NAV2: variants seen among roughly 807,000 people sequenced by gnomAD.
The protein encoded by NAV2 is helicase, APC down-regulated 1.
A neutral mutation model predicts 223.2 loss-of-function variants in NAV2; 54 were observed. That is an observed-to-expected ratio of 0.24 (90% confidence interval 0.19 to 0.30). NAV2 has a LOEUF of 0.30. NAV2 is among the 10% of genes least tolerant of loss of function. The probability of loss-of-function intolerance (pLI) is 1.00; values close to 1 mark genes in which losing one functional copy is unlikely to be tolerated. For missense variants in NAV2, 2,806 were observed against 3,147.5 expected (o/e 0.89, Z 2.60); for synonymous variants, 1,279 against 1,239.3 (o/e 1.03, Z -0.67).
At chr11:19,526,179 G>C (rs375148314) in intron 1 of NAV2, among the ~76,000 whole-genome samples, 3 of 152,118 alleles carry the variant, frequency 2.0e-5, no homozygotes, top group Non-Finnish European at 4.4e-5. Context: ...AGCTCCTCCT[G>C]GTTCCTGATT....
At chr11:19,686,201 C>A (rs1007451756) in intron 1 of NAV2, among the ~76,000 whole-genome samples, 1 of 152,172 alleles carries the variant, frequency 6.6e-6, no homozygotes, top group Non-Finnish European at 1.5e-5. Context: ...GCTGCCTCCA[C>A]GACCATGTCA....
At chr11:20,062,814 C>T (rs903756289) in intron 20 of NAV2, among the ~76,000 whole-genome samples, 1 of 152,214 alleles carries the variant, frequency 6.6e-6, no homozygotes, top group African/African-American at 2.4e-5. Flanking sequence ...CCTGCCTCAG[C>T]TTCCTGAGTA....
rs534231373 is a variant in NAV2 at position 19,966,958 on chromosome 11, G to A, written c.2646-17167G>A. 5.3e-5 allele frequency among the ~76,000 whole-genome samples: 8 copies of A among 151,400 alleles called. No homozygotes were observed. In the South Asian group the frequency reaches 1.5e-3, roughly 28 times the overall value. On this transcript the variant is annotated intron_variant, in intron 10 of 37. Transcript: ENST00000349880. ...GAAAGGGGGTGATAGTAGGAGCAGTGCTGCTGCTGCTGCTGCTATTAATAA... is the reference window on the plus strand; with the variant it reads ...GAAAGGGGGTGATAGTAGGAGCAGTACTGCTGCTGCTGCTGCTATTAATAA...
chr11:19,880,241 G>C (rs2063117531), intron 5 of NAV2, 114 bp downstream of exon 5: 1 of 1,377,994 alleles, frequency 7.3e-7, no homozygotes, highest in African/African-American at 1.5e-5. Flanking sequence ...AATGCTGAGA[G>C]CTACTGGTGG....
intron 1 of NAV2, among the ~76,000 whole-genome samples, chr11:19,627,226 A>G (rs1000289913): frequency 1.3e-5 from 2 of 152,178 alleles, no homozygotes; most frequent in Admixed American, 6.5e-5. Context: ...CGTCTGTATT[A>G]AAAATACAAA....
At chr11:19,666,069 C>A (rs900884080) in intron 1 of NAV2, among the ~76,000 whole-genome samples, 9 of 152,296 alleles carry the variant, frequency 5.9e-5, no homozygotes, top group East Asian at 3.9e-4. Flanking sequence ...TATTATAAAT[C>A]CCTTCTACAA....
chr11:19,961,083 T>G (rs2153406745), intron 10 of NAV2, among the ~76,000 whole-genome samples: 1 of 152,156 alleles, frequency 6.6e-6, no homozygotes, highest in East Asian at 1.9e-4. Context: ...GAAAACCAAA[T>G]CCATATTTCT....
At chr11:19,417,951 A>G (rs1183503971) in intron 1 of NAV2, among the ~76,000 whole-genome samples, 4 of 152,114 alleles carry the variant, frequency 2.6e-5, no homozygotes, top group African/African-American at 9.7e-5. Flanking sequence ...GGGGAATATC[A>G]CACACTGGGG....
intron 1 of NAV2, among the ~76,000 whole-genome samples, chr11:19,451,129 T>C (rs1272206628): frequency 1.3e-5 from 2 of 152,142 alleles, no homozygotes; most frequent in Non-Finnish European, 2.9e-5. Flanking sequence ...GGTCACATAG[T>C]ATGAAAGAAG....
Position 19,968,097 on chromosome 11 carries a change from AAC to A in NAV2, c.2646-16024_2646-16023del, listed in dbSNP as rs751585089. Reference sequence around the variant, plus strand: ...AGATAAGAGTATGAGGACCGCTGGAAACACAGTGTCTGCACACCAGCTGAGAT... The same window carrying A: ...AGATAAGAGTATGAGGACCGCTGGAAACAGTGTCTGCACACCAGCTGAGAT... On this transcript the variant is annotated intron_variant, in intron 10 of 37. Coordinates refer to ENST00000349880, the MANE Select transcript of NAV2 (RefSeq NM_145117.5). Among the ~76,000 whole-genome samples, 75 of 150,312 alleles carry A rather than the reference AAC, an allele frequency of 5.0e-4. 1 individual carries two copies. The highest frequency in any genetic ancestry group is 3.9e-4 in the East Asian group (2 of 5,138).
At chr11:19,383,232 A>G (rs1333115287) in intron 1 of NAV2, among the ~76,000 whole-genome samples, 2 of 152,130 alleles carry the variant, frequency 1.3e-5, no homozygotes, top group African/African-American at 2.4e-5. Flanking sequence ...AATGAATTCT[A>G]GCCAACAAAA....
chr11:19,394,660 G>C (rs1358245751), intron 1 of NAV2, among the ~76,000 whole-genome samples: 2 of 152,198 alleles, frequency 1.3e-5, no homozygotes, highest in Non-Finnish European at 2.9e-5. Context: ...AAGAAGGTGA[G>C]ATAAAACTTC....
intron 1 of NAV2, among the ~76,000 whole-genome samples, chr11:19,688,196 G>A (rs2049075892): frequency 6.6e-6 from 1 of 152,190 alleles, no homozygotes; most frequent in Admixed American, 6.5e-5. Flanking sequence ...TGAATTGCAT[G>A]ATTATGAAGC....
At chr11:19,730,086 T>A (rs1052843650) in intron 1 of NAV2, among the ~76,000 whole-genome samples, 17 of 152,354 alleles carry the variant, frequency 1.1e-4, no homozygotes, top group African/African-American at 3.8e-4. Context: ...AAGCCTGGGC[T>A]TGAACTTGCA....
chr11:20,012,847 T>A (rs1272860749), intron 11 of NAV2, among the ~76,000 whole-genome samples: 1 of 152,190 alleles, frequency 6.6e-6, no homozygotes, highest in Non-Finnish European at 1.5e-5. Flanking sequence ...AAGAGTAGTT[T>A]TAAGCATGGG....
intron 1 of NAV2, among the ~76,000 whole-genome samples, chr11:19,499,217 C>T (rs989861093): frequency 5.9e-5 from 9 of 152,166 alleles, no homozygotes; most frequent in East Asian, 1.9e-4. Flanking sequence ...CAATTAATGA[C>T]GTGGAACCTC....
chr11:19,636,965 A>T (rs2047519854), intron 1 of NAV2, among the ~76,000 whole-genome samples: 1 of 152,230 alleles, frequency 6.6e-6, no homozygotes, highest in African/African-American at 2.4e-5. Flanking sequence ...AAATATTCAA[A>T]TGGGCCAGAT....
At chr11:19,924,679 A>G (rs2044580814) in intron 6 of NAV2, among the ~76,000 whole-genome samples, 1 of 152,216 alleles carries the variant, frequency 6.6e-6, no homozygotes, top group Admixed American at 6.5e-5. Context: ...CCATGCATAG[A>G]AGAAGAAAAC....
intron 1 of NAV2, among the ~76,000 whole-genome samples, chr11:19,760,936 A>G (rs1288693223): frequency 1.3e-5 from 2 of 151,266 alleles, no homozygotes; most frequent in African/African-American, 4.9e-5. Context: ...GCCCCAAGGT[A>G]TAGAGTTTGG....
Sources: gnomAD v4.1 joint callset for allele counts (sites outside exome capture counted in the v4.1 genomes callset) on GRCh38, gnomAD v4.1.1 for gene constraint, MANE v1.5 for transcripts, NCBI Gene and HGNC (gene_info 2026-07-23, HGNC 2026-07-21) for gene names.